Variants in CNTN6 observed in about 807,000 individuals in gnomAD.
The protein encoded by CNTN6 is contactin-6.
Under a neutral mutation model 122.8 loss-of-function variants are expected in CNTN6, and 137 were observed. The ratio of observed to expected loss-of-function variants is 1.12; its 90% CI spans 0.97 to 1.29. CNTN6 has a LOEUF of 1.29. CNTN6 is among the 50% of genes most tolerant of loss of function. CNTN6 has a pLI of 0.00. For missense variants in CNTN6, 1,634 were observed against 1,223.4 expected (o/e 1.34, Z -5.01); for synonymous variants, 570 against 426.0 (o/e 1.34, Z -4.16).
At chr3:1,357,885 A>C (rs1452770016) in intron 12 of CNTN6, among the ~76,000 whole-genome samples, 9 of 143,408 alleles carry the variant, frequency 6.3e-5, no homozygotes, top group African/African-American at 7.7e-5. Flanking sequence ...TTTATGTAAA[A>C]TTTACATATA....
chr3:1,259,152 C>T (rs2094805597), intron 4 of CNTN6, among the ~76,000 whole-genome samples: 1 of 152,026 alleles, frequency 6.6e-6, no homozygotes, highest in South Asian at 2.1e-4. Flanking sequence ...ATTTATTAAG[C>T]ATTTGCTAAA....
At chr3:1,118,623 G>T (rs2125050034) in intron 1 of CNTN6, among the ~76,000 whole-genome samples, 1 of 152,184 alleles carries the variant, frequency 6.6e-6, no homozygotes, top group Non-Finnish European at 1.5e-5. Flanking sequence ...ATTGCTGAAA[G>T]AATTAATAAA....
intron 4 of CNTN6, among the ~76,000 whole-genome samples, chr3:1,242,983 G>T (rs539244990): frequency 2.0e-5 from 3 of 152,114 alleles, no homozygotes; most frequent in Admixed American, 2.0e-4. Flanking sequence ...AGAAGGGGAC[G>T]GACTTACCTT....
intron 7 of CNTN6, among the ~76,000 whole-genome samples, chr3:1,313,063 G>T (rs1699616785): frequency 6.6e-6 from 1 of 151,978 alleles, no homozygotes; most frequent in African/African-American, 2.4e-5. Flanking sequence ...GAAAATTTAT[G>T]ATTCCAAACT....
intron 7 of CNTN6, among the ~76,000 whole-genome samples, chr3:1,303,540 T>C (rs1337174661): frequency 6.6e-6 from 1 of 152,196 alleles, no homozygotes. Context: ...CTTTCCTAAA[T>C]AGCATCTAAA....
chr3:1,300,205 C>G (rs1575605341), intron 7 of CNTN6, among the ~76,000 whole-genome samples: 5 of 152,046 alleles, frequency 3.3e-5, no homozygotes, highest in Admixed American at 2.6e-4. Flanking sequence ...CCAGGATGGT[C>G]TCGATCTGCT....
chr3:1,247,922 A>G (rs17080973), intron 4 of CNTN6, among the ~76,000 whole-genome samples: 7,683 of 152,218 alleles, frequency 0.05, 310 homozygotes, highest in East Asian at 0.14. Context: ...GCATCTCACT[A>G]TTCTCTGACT....
At chr3:1,109,733 G>C (rs1285215031) in intron 1 of CNTN6, among the ~76,000 whole-genome samples, 1 of 151,864 alleles carries the variant, frequency 6.6e-6, no homozygotes, top group African/African-American at 2.4e-5. Context: ...ATGATCTTCT[G>C]AGATCCATCT....
Position 1,293,158 on chromosome 3 carries a change from A to G in CNTN6, c.455-2443A>G, listed in dbSNP as rs148416114. 1.3e-3 allele frequency among the ~76,000 whole-genome samples: 196 copies of G among 152,288 alleles called. 1 individual carries two copies. Among genetic ancestry groups the G allele is most frequent in the Non-Finnish European group, 2.3e-3 (158 of 68,024 alleles). Reference sequence around the variant, plus strand: ...AAATTTCTTTTTACTGACATCATTTATAAATTGTTGTGAGAAATTAATTAT... The same window carrying G: ...AAATTTCTTTTTACTGACATCATTTGTAAATTGTTGTGAGAAATTAATTAT... On this transcript the variant is annotated intron_variant, in intron 5 of 22. Transcript: ENST00000446702.
intron 7 of CNTN6, among the ~76,000 whole-genome samples, chr3:1,317,210 T>C (rs1239069493): frequency 6.6e-6 from 1 of 151,738 alleles, no homozygotes; most frequent in African/African-American, 2.4e-5. Context: ...TAAAAGGTTT[T>C]TATCATTATT....
chr3:1,279,131 A>G (rs13097329), intron 5 of CNTN6, among the ~76,000 whole-genome samples: 69,766 of 152,024 alleles, frequency 0.46, 17,546 homozygotes, highest in Non-Finnish European at 0.58. Context: ...ACCAAATCAG[A>G]ATGTCTCCTG....
At chr3:1,137,656 A>T (rs1282154820) in intron 1 of CNTN6, among the ~76,000 whole-genome samples, 2 of 152,194 alleles carry the variant, frequency 1.3e-5, no homozygotes, top group Non-Finnish European at 2.9e-5. Flanking sequence ...TGTATGTACA[A>T]ACTCACTGAA....
intron 8 of CNTN6, 36 bp from the exon 9 acceptor site, chr3:1,325,772 AACTGCCT>A (rs1490631393): frequency 6.3e-7 from 1 of 1,597,256 alleles, no homozygotes; most frequent in East Asian, 2.2e-5. Flanking sequence ...TGTCTTGGAT[AACTGCCT>A]TTTACCAAAC....
intron 2 of CNTN6, among the ~76,000 whole-genome samples, chr3:1,212,492 T>TACAC (rs2094057522): frequency 8.2e-6 from 1 of 121,216 alleles, no homozygotes; most frequent in Admixed American, 1.1e-4. Flanking sequence ...TGTGTATATA[T>TACAC]ATACATGTGT....
intron 17 of CNTN6, 23 bp downstream of exon 17, chr3:1,377,098 T>A (rs763323438): frequency 9.1e-6 from 14 of 1,534,036 alleles, no homozygotes; most frequent in Non-Finnish European, 5.4e-6. Flanking sequence ...CCAACTGAGT[T>A]ATTTTGAAGA....
At chr3:1,150,021 G>A (rs2092804567) in intron 2 of CNTN6, among the ~76,000 whole-genome samples, 1 of 151,900 alleles carries the variant, frequency 6.6e-6, no homozygotes, top group Non-Finnish European at 1.5e-5. Context: ...ATATACCCTT[G>A]GTGCACAATT....
At chr3:1,321,099 G>A (rs1020138010) in intron 7 of CNTN6, among the ~76,000 whole-genome samples, 35 of 151,434 alleles carry the variant, frequency 2.3e-4, no homozygotes, top group Admixed American at 1.8e-3. Context: ...GTTTTCCCTG[G>A]ATAATTTACC....
At chr3:1,311,051 G>A (rs1336927310) in intron 7 of CNTN6, among the ~76,000 whole-genome samples, 1 of 151,920 alleles carries the variant, frequency 6.6e-6, no homozygotes, top group African/African-American at 2.4e-5. Context: ...AAGGAAACAA[G>A]CAAGGAGATT....
chr3:1,288,453 C>A (rs1694725619), intron 5 of CNTN6, among the ~76,000 whole-genome samples: 1 of 152,202 alleles, frequency 6.6e-6, no homozygotes. Context: ...CTAGCATAAC[C>A]ATGATTGACC....
Sources: allele counts gnomAD v4.1 joint callset (sites outside exome capture counted in the v4.1 genomes callset), GRCh38; gene constraint gnomAD v4.1.1; transcripts MANE v1.5; gene names NCBI Gene and HGNC (gene_info 2026-07-23, HGNC 2026-07-21).